Variants in MYRIP observed in about 807,000 individuals in gnomAD.
The protein encoded by MYRIP is rab effector MyRIP.
A neutral mutation model predicts 98.0 loss-of-function variants in MYRIP; 49 were observed. The ratio of observed to expected loss-of-function variants is 0.50; its 90% CI spans 0.40 to 0.63. The LOEUF (loss-of-function observed/expected upper bound fraction) is 0.63, where lower values mean the gene tolerates loss of function less well. MYRIP is among the 30% of genes least tolerant of loss of function. The probability of loss-of-function intolerance (pLI) is 0.00; values close to 1 mark genes in which losing one functional copy is unlikely to be tolerated. For synonymous variants in MYRIP, 404 were observed against 409.5 expected, an observed-to-expected ratio of 0.99 and a Z score of 0.16; for missense variants, 1,004 against 1,058.2, an observed-to-expected ratio of 0.95 and a Z score of 0.71.
chr3:39,994,735 G>A (rs1212729649), intron 2 of MYRIP, among the ~76,000 whole-genome samples: 2 of 152,242 alleles, frequency 1.3e-5, no homozygotes, highest in Non-Finnish European at 2.9e-5. Flanking sequence ...TGGACAGACT[G>A]CCTCTTCAAG....
intron 3 of MYRIP, among the ~76,000 whole-genome samples, chr3:40,119,149 C>T (rs992423049): frequency 4.0e-5 from 6 of 151,840 alleles, no homozygotes; most frequent in East Asian, 1.9e-4. Context: ...CCTGAGGAAT[C>T]GCCACACTGA....
intron 2 of MYRIP, among the ~76,000 whole-genome samples, chr3:40,023,811 C>A (rs1306311191): frequency 1.3e-5 from 2 of 152,154 alleles, no homozygotes; most frequent in Non-Finnish European, 2.9e-5. Context: ...AGAGAAGGAA[C>A]TAAGGCAACT....
chr3:39,958,891 G>C (rs1258544407), intron 2 of MYRIP, among the ~76,000 whole-genome samples: 1 of 152,148 alleles, frequency 6.6e-6, no homozygotes, highest in Non-Finnish European at 1.5e-5. Context: ...CTTCTCAACA[G>C]AAGATATTTA....
intron 8 of MYRIP, among the ~76,000 whole-genome samples, chr3:40,172,830 C>A (rs1400197831): frequency 6.6e-6 from 1 of 152,192 alleles, no homozygotes; most frequent in Non-Finnish European, 1.5e-5. Flanking sequence ...TATCAACTCA[C>A]CCACTAGAAC....
intron 2 of MYRIP, among the ~76,000 whole-genome samples, chr3:39,953,601 G>A (rs1945082154): frequency 6.6e-6 from 1 of 152,150 alleles, no homozygotes; most frequent in African/African-American, 2.4e-5. Flanking sequence ...CCAGTCTACA[G>A]CTCCCAGTGT....
At chr3:39,991,793 C>T (rs1946186586) in intron 2 of MYRIP, among the ~76,000 whole-genome samples, 1 of 151,960 alleles carries the variant, frequency 6.6e-6, no homozygotes, top group African/African-American at 2.4e-5. Context: ...TTTTCTGTAG[C>T]CCTTATCACT....
chr3:39,864,262 A>T (rs113940837), intron 1 of MYRIP, among the ~76,000 whole-genome samples: 1 of 152,282 alleles, frequency 6.6e-6, no homozygotes, highest in African/African-American at 2.4e-5. Flanking sequence ...GCCCTTTCTC[A>T]TCACTCCTAT....
intron 2 of MYRIP, among the ~76,000 whole-genome samples, chr3:40,003,677 C>T (rs1041822231): frequency 3.9e-5 from 6 of 152,200 alleles, no homozygotes; most frequent in African/African-American, 1.4e-4. Context: ...TATTCTTTCT[C>T]CTCAAGTCTT....
chr3:39,936,054 T>C (rs1456825909), intron 2 of MYRIP, among the ~76,000 whole-genome samples: 1 of 152,148 alleles, frequency 6.6e-6, no homozygotes, highest in East Asian at 1.9e-4. Flanking sequence ...TCAAATATTA[T>C]GTTATTCAAA....
intron 3 of MYRIP, among the ~76,000 whole-genome samples, chr3:40,063,951 C>A (rs1484230069): frequency 6.6e-6 from 1 of 152,070 alleles, no homozygotes; most frequent in East Asian, 1.9e-4. Flanking sequence ...GGAAGGGATG[C>A]ATGCGCTGGA....
intron 1 of MYRIP, among the ~76,000 whole-genome samples, chr3:39,875,996 C>A (rs940050922): frequency 1.3e-5 from 2 of 151,956 alleles, no homozygotes; most frequent in South Asian, 2.1e-4. Flanking sequence ...GTAGGTCACT[C>A]AGGACTTGCT....
At chr3:39,971,045 A>G (rs1293872155) in intron 2 of MYRIP, among the ~76,000 whole-genome samples, 1 of 152,122 alleles carries the variant, frequency 6.6e-6, no homozygotes, top group Non-Finnish European at 1.5e-5. Context: ...TGCACTTTAT[A>G]TAACATCTTC....
At chr3:40,022,041 C>T (rs1003392886) in intron 2 of MYRIP, among the ~76,000 whole-genome samples, 1 of 152,196 alleles carries the variant, frequency 6.6e-6, no homozygotes, top group Non-Finnish European at 1.5e-5. Context: ...GTTTTGCCTA[C>T]ATGTTTTTTA....
chr3:40,031,683 T>G (rs1291297049), intron 2 of MYRIP, among the ~76,000 whole-genome samples: 1 of 152,152 alleles, frequency 6.6e-6, no homozygotes, highest in African/African-American at 2.4e-5. Context: ...AAACCTCTAT[T>G]CAGAGATTCA....
intron 1 of MYRIP, among the ~76,000 whole-genome samples, chr3:39,847,979 C>T (rs754305144): frequency 1.3e-5 from 2 of 152,166 alleles, no homozygotes; most frequent in East Asian, 1.9e-4. Context: ...TGATACTCAT[C>T]GTAAGCACCT....
At chr3:40,204,516 C>G (rs942310738) in intron 10 of MYRIP, among the ~76,000 whole-genome samples, 1 of 151,746 alleles carries the variant, frequency 6.6e-6, no homozygotes, top group Non-Finnish European at 1.5e-5. Flanking sequence ...GAAGAGGCAA[C>G]GTTTTGTTCC....
At chr3:40,178,065 A>C (rs901520472) in intron 8 of MYRIP, among the ~76,000 whole-genome samples, 11 of 152,348 alleles carry the variant, frequency 7.2e-5, no homozygotes, top group Middle Eastern at 3.4e-3. Context: ...TTACGTATAC[A>C]TATGACCACT....
chr3:39,818,484 C>A (rs1043636791), intron 1 of MYRIP, among the ~76,000 whole-genome samples: 62 of 152,164 alleles, frequency 4.1e-4, no homozygotes, highest in African/African-American at 1.4e-3. Flanking sequence ...TTTTTTATTT[C>A]CTGTGCATTC....
At chr3:40,004,650 G>C (rs1946593148) in intron 2 of MYRIP, among the ~76,000 whole-genome samples, 1 of 151,976 alleles carries the variant, frequency 6.6e-6, no homozygotes, top group Non-Finnish European at 1.5e-5. Context: ...TTCCTTCTGA[G>C]TCCCCAAAGT....
Sources: allele counts gnomAD v4.1 joint callset (sites outside exome capture counted in the v4.1 genomes callset), GRCh38; gene constraint gnomAD v4.1.1; transcripts MANE v1.5; gene names NCBI Gene and HGNC (gene_info 2026-07-23, HGNC 2026-07-21).